Variants in TMEM134 observed in about 807,000 individuals in gnomAD.
TMEM134 encodes the protein transmembrane protein 134.
TMEM134 carries 36 observed loss-of-function variants against 26.2 expected under a neutral mutation model. That is an observed-to-expected ratio of 1.37 (90% CI 1.05 to 1.81). TMEM134 has a LOEUF of 1.81. Among genes scored for constraint, TMEM134 ranks in the 40% most tolerant of loss-of-function variants. The pLI, the probability that TMEM134 is intolerant of heterozygous loss-of-function variation, is 0.00. For synonymous variants in TMEM134, 133 were observed against 113.6 expected, an observed-to-expected ratio of 1.17 and a Z score of -1.08; for missense variants, 339 against 263.5, an observed-to-expected ratio of 1.29 and a Z score of -1.98.
chr11:67,466,932 C>T (rs1341727083), intron 4 of TMEM134: 10 of 263,282 alleles, frequency 3.8e-5, no homozygotes, highest in South Asian at 8.2e-5. Flanking sequence ...GGCTTCTGGG[C>T]ACCACCTCAC....
At position 67,461,730 on chromosome 11, in the gene TMEM134, T is replaced by A. The variant is rs1301671759; in HGVS notation, c.*2884A>T. ...ATGAGTGTGGCTATATCAGAAATTT[T>A]AATAAATAACAGTAAAACTTCATTT... On this transcript the variant is annotated 3_prime_UTR_variant, in exon 7 of 7. Coordinates refer to ENST00000308022, the MANE Select transcript of TMEM134 (RefSeq NM_025124.4). The A allele has an allele frequency of 1.3e-5, 2 of 152,258 alleles. No individual in the cohort carries two copies. The highest frequency in any genetic ancestry group is 2.9e-5 in the Non-Finnish European group (2 of 68,050). The allele number at this position is 152,258 out of a possible 1,614,324, so 9.4% of individuals were successfully genotyped here.
chr11:67,468,116 G>A (rs770333851), intron 1 of TMEM134, 24 bp from the exon 2 acceptor site: 107 of 1,552,192 alleles, frequency 6.9e-5, no homozygotes, highest in Admixed American at 6.2e-4. Context: ...CAGGTCTCAG[G>A]GGGGTTGCTG....
intron 5 of TMEM134, 80 bp downstream of exon 5, chr11:67,464,976 G>C: frequency 6.7e-7 from 1 of 1,493,906 alleles, no homozygotes; most frequent in Admixed American, 1.8e-5. Context: ...TGTACTGCCG[G>C]GAGGTGGGAG....
At chr11:67,467,433 G>C in intron 3 of TMEM134, 45 bp from the exon 4 acceptor site, 1 of 1,612,690 alleles carries the variant, frequency 6.2e-7, no homozygotes, top group Non-Finnish European at 8.5e-7. Context: ...GGTGGAGGGA[G>C]GGGGTGCAGG....
intron 5 of TMEM134, 91 bp downstream of exon 5, chr11:67,464,965 G>A: frequency 6.6e-7 from 1 of 1,507,666 alleles, no homozygotes; most frequent in Non-Finnish European, 9.1e-7. Flanking sequence ...AAAAGGAGCC[G>A]TGTACTGCCG....
rs201248558 is a variant in TMEM134 at position 67,467,473 on chromosome 11, G to A, written c.329+28C>T. On this transcript the variant is annotated intron_variant, in intron 3 of 6. Transcript: ENST00000308022. Reference sequence around the variant, plus strand: ...TGTGGGGGTGGAGCCAGGGCTGCTCGGCTGGGGGCTTAGGCGGGCAGGCTC... The same window carrying A: ...TGTGGGGGTGGAGCCAGGGCTGCTCAGCTGGGGGCTTAGGCGGGCAGGCTC... 38 of 1,613,546 alleles carry A rather than the reference G, an allele frequency of 2.4e-5. No homozygotes were observed. The East Asian group carries it at 5.6e-4, about 24-fold the overall frequency.
In TMEM134 at chr11:67,467,353, C is replaced by T. The variant is rs555090402; in HGVS notation, c.365G>A (p.Arg122Gln). 18 of 1,613,670 alleles carry T rather than the reference C, an allele frequency of 1.1e-5. No individual in the cohort carries two copies. Among genetic ancestry groups the T allele is most frequent in the East Asian group, 6.7e-5 (3 of 44,880 alleles). ...TQHPLIQKNR[R>Q]VVLASFLLLL... ...GAGCAGGAAGGAGGCCAGCACCACT[C>T]GGCGGTTCTTCTGGATCAAAGGGTG... Residue 122 changes from arginine (R) to glutamine (Q), a missense_variant, in exon 4 of 7, where the codon CGA becomes CAA. Coordinates refer to ENST00000308022, the MANE Select transcript of TMEM134 (RefSeq NM_025124.4).
At chr11:67,464,773 C>A (rs1374489862) in intron 6 of TMEM134, 30 bp downstream of exon 6, 5 of 1,565,568 alleles carry the variant, frequency 3.2e-6, no homozygotes, top group African/African-American at 1.3e-5. Flanking sequence ...CCACAGCCCC[C>A]GCCCCTTCCG....
chr11:67,465,269 T>G, intron 4 of TMEM134, 169 bp from the exon 5 acceptor site: 1 of 1,454,870 alleles, frequency 6.9e-7, no homozygotes, highest in Non-Finnish European at 9.0e-7. Flanking sequence ...GAGCAGGCCC[T>G]GGGAAGTGTG....
intron 2 of TMEM134, 23 bp from the exon 3 acceptor site, chr11:67,467,613 A>T: frequency 6.2e-7 from 1 of 1,611,264 alleles, no homozygotes; most frequent in Admixed American, 1.7e-5. Context: ...GCGCCCAGTG[A>T]GGGGCAGGGA....
intron 4 of TMEM134, chr11:67,465,337 T>C: frequency 8.5e-7 from 1 of 1,173,548 alleles, no homozygotes; most frequent in African/African-American, 1.6e-5. Context: ...TCAGCAAACA[T>C]TTATGGAACA....
Position 67,464,921 on chromosome 11 carries a change from C to T in TMEM134, c.452-65G>A, listed in dbSNP as rs931385119. On this transcript the variant is annotated intron_variant, in intron 5 of 6. Transcript: ENST00000308022. Reference sequence around the variant, plus strand: ...GAGGCTTCGAGGCCTTCCGGGCTGCCGCTGACTGCCCGGGCAAGCCTCACT... The same window carrying T: ...GAGGCTTCGAGGCCTTCCGGGCTGCTGCTGACTGCCCGGGCAAGCCTCACT... 17 of 1,584,492 alleles carry T rather than the reference C, an allele frequency of 1.1e-5. No individual in the cohort carries two copies. The African/African-American group carries it at 1.5e-4, about 14-fold the overall frequency.
At position 67,464,664 on chromosome 11, in the gene TMEM134, T is replaced by C. The variant is rs1419414944; in HGVS notation, c.538A>G (p.Lys180Glu). ...YHVIFIYCAV[K>E]GHRGFQFFYL... ...AAGAACTGGAAGCCCCGGTGGCCCT[T>C]GACCGCGCAGTAGATGAAGATCACG... Residue 180 changes from lysine (K) to glutamate (E), a missense_variant, in exon 7 of 7, where the codon AAG becomes GAG. By Grantham distance (56) the Lys-to-Glu change is moderately conservative. Coordinates refer to ENST00000308022, the MANE Select transcript of TMEM134 (RefSeq NM_025124.4). The C allele has an allele frequency of 6.4e-7, 1 of 1,554,086 alleles. No homozygotes were observed. The highest frequency in any genetic ancestry group is 8.7e-7 in the Non-Finnish European group (1 of 1,148,220).
At chr11:67,466,827 G>A (rs1449274410) in intron 4 of TMEM134, 1 of 178,206 alleles carries the variant, frequency 5.6e-6, no homozygotes, top group East Asian at 1.7e-4. Context: ...GGAGAGGGGT[G>A]CTTGTCAGTG....
rs140105311 is a variant in TMEM134 at position 67,468,031 on chromosome 11, G to C, written c.236C>G (p.Thr79Ser). The C allele has an allele frequency of 1.2e-5, 18 of 1,557,270 alleles. No individual in the cohort carries two copies. In the East Asian group the frequency reaches 2.4e-4, roughly 21 times the overall value. The change falls in exon 2 of 7, where the codon ACC (threonine) becomes AGC (serine). Residue 79 changes from threonine to serine, a missense_variant. Coordinates refer to ENST00000308022, the MANE Select transcript of TMEM134 (RefSeq NM_025124.4). ...TGGGTCCCCACCTGGCCCTAACCTG[G>C]TGCCGACTCCCCCATCCGGCTCCGG... Reference protein sequence around the residue: ...ASPEPDGGVGTRDSSRTSIRS... With the variant: ...ASPEPDGGVGSRDSSRTSIRS...
intron 4 of TMEM134, 53 bp from the exon 5 acceptor site, chr11:67,465,153 G>C: frequency 1.3e-6 from 2 of 1,538,930 alleles, no homozygotes; most frequent in South Asian, 2.4e-5. Context: ...GTGAGGGCGG[G>C]GGCTCCCACC....
chr11:67,464,738 C>A (rs1327006275), intron 6 of TMEM134, 42 bp from the exon 7 acceptor site: 2 of 1,549,346 alleles, frequency 1.3e-6, no homozygotes, highest in Non-Finnish European at 1.7e-6. Context: ...CCGCCCCTCC[C>A]CGCAACACCG....
chr11:67,465,216 T>TCC (rs1865179096), intron 4 of TMEM134, 116 bp from the exon 5 acceptor site: 1 of 1,529,068 alleles, frequency 6.5e-7, no homozygotes, highest in African/African-American at 1.4e-5. Flanking sequence ...GCAGAGACCC[T>TCC]CCCCAGGAAG....
chr11:67,467,901 G>A, intron 2 of TMEM134, 127 bp downstream of exon 2: 1 of 906,252 alleles, frequency 1.1e-6, no homozygotes, highest in Non-Finnish European at 1.7e-6. Flanking sequence ...GGAAAGTGAG[G>A]GTCAGGCTAG....
Sources: gnomAD v4.1 joint callset for allele counts on GRCh38, gnomAD v4.1.1 for gene constraint, MANE v1.5 for transcripts, NCBI Gene and HGNC (gene_info 2026-07-23, HGNC 2026-07-21) for gene names.